C10orf90: variants seen among roughly 807,000 people sequenced by gnomAD.
C10orf90 encodes (E2-independent) E3 ubiquitin-conjugating enzyme FATS.
Under a neutral mutation model 62.5 loss-of-function variants are expected in C10orf90, and 56 were observed. The ratio of observed to expected loss-of-function variants is 0.90; its 90% CI spans 0.72 to 1.12. The LOEUF is 1.12. C10orf90 is among the 50% of genes most tolerant of loss of function. C10orf90 has a pLI of 0.00. For synonymous variants in C10orf90, 386 were observed against 340.4 expected (o/e 1.13, Z -1.47); for missense variants, 970 against 880.4 (o/e 1.10, Z -1.29).
At chr10:126,429,055 T>TGA (rs1158470622) in intron 8 of C10orf90, among the ~76,000 whole-genome samples, 1 of 152,200 alleles carries the variant, frequency 6.6e-6, no homozygotes, top group African/African-American at 2.4e-5. Context: ...TCAATTTGAT[T>TGA]TAATTATGAT....
intron 2 of C10orf90, among the ~76,000 whole-genome samples, chr10:126,568,935 A>G (rs1412808590): frequency 6.6e-6 from 1 of 152,128 alleles, no homozygotes; most frequent in Non-Finnish European, 1.5e-5. Flanking sequence ...CCTCCCAGCC[A>G]AGGGATGAGG....
intron 2 of C10orf90, among the ~76,000 whole-genome samples, chr10:126,566,876 G>T (rs537276205): frequency 1.1e-4 from 17 of 152,170 alleles, no homozygotes; most frequent in South Asian, 2.1e-4. Flanking sequence ...GAAGACAGGT[G>T]GGGGAGGGAC....
intron 7 of C10orf90, among the ~76,000 whole-genome samples, chr10:126,451,618 C>T (rs1389712506): frequency 2.0e-5 from 3 of 151,534 alleles, no homozygotes; most frequent in Admixed American, 6.6e-5. Flanking sequence ...TGTGTGTGTA[C>T]ATATATATCA....
intron 4 of C10orf90, among the ~76,000 whole-genome samples, chr10:126,483,310 C>A (rs1212780513): frequency 6.6e-6 from 1 of 152,210 alleles, no homozygotes; most frequent in Non-Finnish European, 1.5e-5. Flanking sequence ...ACTCTAATTT[C>A]TTTTGGTTGA....
chr10:126,608,458 A>G (rs1365148235), intron 2 of C10orf90, among the ~76,000 whole-genome samples: 2 of 152,212 alleles, frequency 1.3e-5, no homozygotes, highest in African/African-American at 4.8e-5. Context: ...AATGGTTAAC[A>G]TGTTATATTT....
chr10:126,494,492 T>C (rs908572583), intron 4 of C10orf90, among the ~76,000 whole-genome samples: 3 of 152,108 alleles, frequency 2.0e-5, no homozygotes, highest in Non-Finnish European at 4.4e-5. Flanking sequence ...TGCACGACTC[T>C]GGAAAAAAGA....
At chr10:126,640,693 T>C (rs1395818404) in intron 2 of C10orf90, among the ~76,000 whole-genome samples, 1 of 151,956 alleles carries the variant, frequency 6.6e-6, no homozygotes, top group Admixed American at 6.5e-5. Flanking sequence ...CAGAAACATA[T>C]AGAAGGGTTT....
At chr10:126,494,714 A>G (rs1861948498) in intron 4 of C10orf90, among the ~76,000 whole-genome samples, 1 of 152,204 alleles carries the variant, frequency 6.6e-6, no homozygotes, top group Non-Finnish European at 1.5e-5. Flanking sequence ...TTCCGATTCT[A>G]TAGACAACAG....
intron 2 of C10orf90, among the ~76,000 whole-genome samples, chr10:126,613,252 G>T (rs1405968612): frequency 6.6e-6 from 1 of 152,110 alleles, no homozygotes; most frequent in East Asian, 1.9e-4. Flanking sequence ...TTGAGACAGG[G>T]TCTCCTCTGT....
chr10:126,544,326 A>G (rs569970160), intron 2 of C10orf90, among the ~76,000 whole-genome samples: 1 of 152,288 alleles, frequency 6.6e-6, no homozygotes, highest in South Asian at 2.1e-4. Flanking sequence ...TACCAAGCCC[A>G]GCATTACATG....
chr10:126,455,622 G>T (rs915239709), intron 7 of C10orf90, among the ~76,000 whole-genome samples: 4 of 152,218 alleles, frequency 2.6e-5, no homozygotes, highest in South Asian at 2.1e-4. Flanking sequence ...CGGGTGAGGA[G>T]AGAGACTTAC....
chr10:126,467,966 C>T (rs1860379281), intron 4 of C10orf90, among the ~76,000 whole-genome samples: 1 of 152,186 alleles, frequency 6.6e-6, no homozygotes. Flanking sequence ...GACCACTCAC[C>T]TCAACTGTGG....
intron 2 of C10orf90, among the ~76,000 whole-genome samples, chr10:126,620,549 A>C: frequency 6.6e-6 from 1 of 152,226 alleles, no homozygotes; most frequent in East Asian, 1.9e-4. Flanking sequence ...ATTAATGCTA[A>C]AGGAATTTCA....
intron 1 of C10orf90, among the ~76,000 whole-genome samples, chr10:126,670,035 G>A (rs562992197): frequency 5.9e-5 from 9 of 152,202 alleles, no homozygotes; most frequent in African/African-American, 1.2e-4. Flanking sequence ...AACTTCATCC[G>A]ATATACTTTC....
At chr10:126,563,739 T>C (rs1864956534) in intron 2 of C10orf90, among the ~76,000 whole-genome samples, 1 of 152,176 alleles carries the variant, frequency 6.6e-6, no homozygotes, top group African/African-American at 2.4e-5. Context: ...ATTTGCCCAC[T>C]GTGAAACTAT....
intron 2 of C10orf90, among the ~76,000 whole-genome samples, chr10:126,590,471 T>C (rs986803225): frequency 6.6e-6 from 1 of 152,076 alleles, no homozygotes; most frequent in East Asian, 1.9e-4. Flanking sequence ...ACAAAAGAAC[T>C]GAAATCATTA....
intron 2 of C10orf90, among the ~76,000 whole-genome samples, chr10:126,546,131 T>C (rs1235065511): frequency 1.3e-5 from 2 of 152,008 alleles, no homozygotes; most frequent in Admixed American, 6.5e-5. Flanking sequence ...GCCTGCTCCC[T>C]AGGAAAAACA....
chr10:126,651,743 G>A (rs1205442110), intron 1 of C10orf90, among the ~76,000 whole-genome samples: 6 of 152,202 alleles, frequency 3.9e-5, no homozygotes, highest in Non-Finnish European at 2.9e-5. Flanking sequence ...TGCGTAGTTT[G>A]CAGAGAAAAC....
chr10:126,483,098 A>G (rs576458808), intron 4 of C10orf90, among the ~76,000 whole-genome samples: 83 of 152,378 alleles, frequency 5.4e-4, no homozygotes, highest in African/African-American at 1.9e-3. Flanking sequence ...TATCTCCATG[A>G]AATTGTTAAC....
Sources: gnomAD v4.1 joint callset for allele counts (sites outside exome capture counted in the v4.1 genomes callset) on GRCh38, gnomAD v4.1.1 for gene constraint, MANE v1.5 for transcripts, NCBI Gene and HGNC (gene_info 2026-07-23, HGNC 2026-07-21) for gene names.